Variants in TASP1 observed in about 807,000 individuals in gnomAD.
TASP1 encodes taspase 1.
Under a neutral mutation model 56.6 loss-of-function variants are expected in TASP1, and 16 were observed. The observed-to-expected ratio is 0.28, with a 90% CI of 0.19 to 0.43. The LOEUF (loss-of-function observed/expected upper bound fraction) is 0.43. Ranked by LOEUF, TASP1 falls within the 20% of genes least tolerant of loss-of-function variation. TASP1 has a pLI of 1.00. For synonymous variants in TASP1, 179 were observed against 184.2 expected, an observed-to-expected ratio of 0.97 and a Z score of 0.23; for missense variants, 393 against 511.6, an observed-to-expected ratio of 0.77 and a Z score of 2.24.
the TASP1 span, among the ~76,000 whole-genome samples, chr20:13,314,212 A>G: frequency 6.6e-6 from 1 of 152,198 alleles, no homozygotes; most frequent in Non-Finnish European, 1.5e-5. Flanking sequence ...AATATTTGAA[A>G]TAATAATAAC....
intron 13 of TASP1, among the ~76,000 whole-genome samples, chr20:13,398,995 A>C (rs1168749837): frequency 6.6e-6 from 1 of 152,190 alleles, no homozygotes; most frequent in Non-Finnish European, 1.5e-5. Flanking sequence ...CTTTATCAAA[A>C]TAAGAAATGA....
chr20:13,380,768 C>G, the TASP1 span, among the ~76,000 whole-genome samples: 1 of 152,182 alleles, frequency 6.6e-6, no homozygotes, highest in Non-Finnish European at 1.5e-5. Context: ...TTCAGAGATG[C>G]CCTGCCCAGA....
intron 8 of TASP1, among the ~76,000 whole-genome samples, chr20:13,539,803 G>A (rs747495242): frequency 2.0e-5 from 3 of 152,052 alleles, no homozygotes; most frequent in African/African-American, 7.2e-5. Flanking sequence ...CAATGTTCTG[G>A]GGTTTGCAAC....
the TASP1 span, chr20:13,164,858 C>T: frequency 2.1e-4 from 334 of 1,612,424 alleles, no homozygotes; most frequent in Non-Finnish European, 2.6e-4. Flanking sequence ...GCTTTGAACT[C>T]GAAGATTAAG....
At chr20:13,439,496 G>A (rs6042100) in intron 11 of TASP1, among the ~76,000 whole-genome samples, 1,786 of 152,192 alleles carry the variant, frequency 0.012, 46 homozygotes, top group African/African-American at 0.04. Flanking sequence ...TCACACACCG[G>A]GGCCTGTTGT....
the TASP1 span, among the ~76,000 whole-genome samples, chr20:13,163,333 A>G: frequency 6.9e-6 from 1 of 145,038 alleles, no homozygotes; most frequent in African/African-American, 2.6e-5. Flanking sequence ...ATGCCACTGC[A>G]CTCCAGCCTG....
At chr20:13,328,649 T>A in the TASP1 span, among the ~76,000 whole-genome samples, 1 of 152,200 alleles carries the variant, frequency 6.6e-6, no homozygotes, top group African/African-American at 2.4e-5. Flanking sequence ...AGATCGTGCC[T>A]TTGCAGGGAC....
intron 11 of TASP1, among the ~76,000 whole-genome samples, chr20:13,478,040 C>T (rs1028237964): frequency 5.3e-5 from 8 of 152,010 alleles, no homozygotes; most frequent in East Asian, 3.9e-4. Flanking sequence ...AAGATGGTGG[C>T]GGAGTTTTTT....
the TASP1 span, among the ~76,000 whole-genome samples, chr20:13,265,595 G>A: frequency 2.2e-4 from 33 of 152,164 alleles, no homozygotes; most frequent in African/African-American, 6.7e-4. Flanking sequence ...TGCCTTCCCC[G>A]CCCAAGCTCT....
At chr20:13,338,889 C>G in the TASP1 span, among the ~76,000 whole-genome samples, 1 of 152,092 alleles carries the variant, frequency 6.6e-6, no homozygotes, top group Non-Finnish European at 1.5e-5. Context: ...TCCTCACCAT[C>G]ACCACCATCA....
intron 6 of TASP1, among the ~76,000 whole-genome samples, chr20:13,575,258 T>G (rs1246471010): frequency 6.6e-6 from 1 of 152,206 alleles, no homozygotes; most frequent in African/African-American, 2.4e-5. Context: ...CAAAGTACAA[T>G]ACCTATTCCT....
the TASP1 span, among the ~76,000 whole-genome samples, chr20:13,128,134 A>G: frequency 6.6e-6 from 1 of 152,234 alleles, no homozygotes; most frequent in Admixed American, 6.5e-5. Context: ...AATATTTAAC[A>G]TTGTGTCTGG....
the TASP1 span, among the ~76,000 whole-genome samples, chr20:13,190,115 A>G: frequency 9.2e-5 from 14 of 152,218 alleles, no homozygotes; most frequent in African/African-American, 3.4e-4. Flanking sequence ...GCACATGGAC[A>G]TAAAGATAGG....
intron 10 of TASP1, among the ~76,000 whole-genome samples, chr20:13,520,047 T>G (rs538790762): frequency 6.6e-6 from 1 of 152,136 alleles, no homozygotes. Flanking sequence ...ATAAAATAGC[T>G]AGGAATCCAA....
the TASP1 span, among the ~76,000 whole-genome samples, chr20:13,194,068 T>C: frequency 3.9e-5 from 6 of 152,204 alleles, no homozygotes; most frequent in Non-Finnish European, 5.9e-5. Flanking sequence ...TATATCCAAA[T>C]GAAAACAGAA....
At chr20:13,429,381 G>A (rs6033704) in intron 12 of TASP1, among the ~76,000 whole-genome samples, 9,641 of 152,294 alleles carry the variant, frequency 0.063, 449 homozygotes, top group African/African-American at 0.13. Context: ...ACCAAGTGAT[G>A]TGGAGTGGCC....
chr20:13,632,017 A>T (rs191952773), intron 1 of TASP1, among the ~76,000 whole-genome samples: 7 of 151,600 alleles, frequency 4.6e-5, no homozygotes, highest in Admixed American at 6.6e-5. Flanking sequence ...GCGCCACTGC[A>T]CTCCAGCCTG....
At chr20:13,278,053 G>A in the TASP1 span, among the ~76,000 whole-genome samples, 345 of 152,308 alleles carry the variant, frequency 2.3e-3, 1 homozygote, top group South Asian at 3.5e-3. Context: ...GTGGAAATGC[G>A]TCTGCCCAGT....
chr20:13,322,039 T>TA, the TASP1 span, among the ~76,000 whole-genome samples: 2 of 152,328 alleles, frequency 1.3e-5, no homozygotes, highest in East Asian at 3.9e-4. Context: ...ATTGTGCATG[T>TA]GTATCGCTTA....
Sources: allele counts gnomAD v4.1 joint callset (sites outside exome capture counted in the v4.1 genomes callset), GRCh38; gene constraint gnomAD v4.1.1; transcripts MANE v1.5; gene names NCBI Gene and HGNC (gene_info 2026-07-23, HGNC 2026-07-21).